DMD: variants seen among roughly 807,000 people sequenced by gnomAD.
The protein encoded by DMD is mutant dystrophin.
Under a neutral mutation model 330.1 loss-of-function variants are expected in DMD, and 63 were observed. That is an observed-to-expected ratio of 0.19 (90% confidence interval 0.16 to 0.24). The LOEUF is 0.24. DMD is among the 10% of genes least tolerant of loss of function. The pLI, the probability that DMD is intolerant of heterozygous loss-of-function variation, is 1.00. For missense variants in DMD, 3,344 were observed against 2,684.1 expected (o/e 1.25, Z -5.43); for synonymous variants, 1,223 against 959.8 (o/e 1.27, Z -5.07).
intron 51 of DMD, among the ~76,000 whole-genome samples, chrX:31,772,440 A>G (rs773122636): frequency 2.1e-4 from 23 of 112,061 alleles, no homozygotes; most frequent in Non-Finnish European, 3.9e-4. Flanking sequence ...GGAGTATTAT[A>G]TAACTCAATA....
intron 7 of DMD, chrX:32,755,069 A>C (rs1022596057): frequency 9.0e-6 from 1 of 110,534 alleles, no homozygotes; most frequent in Non-Finnish European, 1.9e-5. Flanking sequence ...GTAAAACACT[A>C]TTTCCCACAT....
chrX:32,762,742 A>T (rs957749937), intron 7 of DMD, among the ~76,000 whole-genome samples: 29 of 110,693 alleles, frequency 2.6e-4, no homozygotes, highest in African/African-American at 8.5e-4. Flanking sequence ...CAAGCAGGGG[A>T]CAGATCACAC....
intron 41 of DMD, among the ~76,000 whole-genome samples, chrX:32,318,614 T>C (rs953450726): frequency 9.0e-6 from 1 of 110,906 alleles, no homozygotes; most frequent in Non-Finnish European, 1.9e-5. Flanking sequence ...ATCTAAAAAA[T>C]TGCTTATGTG....
At chrX:31,696,391 A>T (rs1256518975) in intron 52 of DMD, among the ~76,000 whole-genome samples, 2 of 112,360 alleles carry the variant, frequency 1.8e-5, no homozygotes, top group African/African-American at 6.4e-5. Flanking sequence ...AGACAAGTAG[A>T]TATGACTGTT....
chrX:33,151,124 CATG>C (rs778970736), intron 1 of DMD, among the ~76,000 whole-genome samples: 1 of 112,476 alleles, frequency 8.9e-6, no homozygotes, highest in African/African-American at 3.2e-5. Flanking sequence ...AAGCCCTGTT[CATG>C]TATTTTTGAA....
chrX:31,254,886 T>TA (rs58840411), intron 63 of DMD, among the ~76,000 whole-genome samples: 1 of 108,089 alleles, frequency 9.3e-6, no homozygotes, highest in Non-Finnish European at 1.9e-5. Context: ...ACAAAAAATT[T>TA]AAAAAAAGAT....
chrX:32,275,100 CTTAGA>C (rs2097380733), intron 43 of DMD, among the ~76,000 whole-genome samples: 1 of 111,736 alleles, frequency 8.9e-6, no homozygotes, highest in African/African-American at 3.3e-5. Flanking sequence ...TAGGGATTAT[CTTAGA>C]TTATACAGCC....
chrX:31,971,154 A>G (rs2095395684), intron 44 of DMD, among the ~76,000 whole-genome samples: 1 of 112,169 alleles, frequency 8.9e-6, no homozygotes, highest in Non-Finnish European at 1.9e-5. Flanking sequence ...CTGCTGGTCC[A>G]GGAATACCTC....
At chrX:33,314,440 T>C (rs1224467983) in intron 1 of DMD, among the ~76,000 whole-genome samples, 1 of 108,169 alleles carries the variant, frequency 9.2e-6, no homozygotes, top group Non-Finnish European at 1.9e-5. Context: ...GTATTTTTAG[T>C]AGAGATGGGC....
intron 4 of DMD, among the ~76,000 whole-genome samples, chrX:32,831,048 A>T (rs776455639): frequency 9.0e-6 from 1 of 111,123 alleles, no homozygotes; most frequent in East Asian, 2.8e-4. Flanking sequence ...CTTACAATAC[A>T]TAATTTTGTA....
rs190587476 is a variant in DMD at position 32,630,367 on chromosome X, T to C, written c.1331+13765A>G. Among the ~76,000 whole-genome samples the C allele has an allele frequency of 3.1e-3, 339 of 110,937 alleles. 4 individuals are homozygous for C. The highest frequency in any genetic ancestry group is 0.011 in the African/African-American group (327 of 30,475). ...TACCGCTTTTAAGATCTTTTCTTTA[T>C]CCTTGACCTTTGGAAGTTTGATTTT... On this transcript the variant is annotated intron_variant, in intron 11 of 78. Transcript: ENST00000357033.
intron 21 of DMD, among the ~76,000 whole-genome samples, chrX:32,477,089 C>A (rs73619098): frequency 0.028 from 3,088 of 110,873 alleles, 130 homozygotes; most frequent in African/African-American, 0.095. Flanking sequence ...ACTTTTTTCT[C>A]TAAAGAAAGT....
Position 32,894,429 on chromosome X carries a change from G to A in DMD, c.94-44609C>T, listed in dbSNP as rs756240613. Among the ~76,000 whole-genome samples, 15 of 112,835 alleles carry A rather than the reference G, an allele frequency of 1.3e-4. No individual in the cohort carries two copies. The East Asian group carries it at 4.0e-3, about 30-fold the overall frequency. On this transcript the variant is annotated intron_variant, in intron 2 of 78. Transcript: ENST00000357033. ...GTGGCAGACTGGACAAGATAGCCTC[G>A]CAGCACAGTGGTAGTGATGGCGGCG...
intron 7 of DMD, among the ~76,000 whole-genome samples, chrX:32,705,010 A>G (rs1257906444): frequency 8.9e-6 from 1 of 112,330 alleles, no homozygotes; most frequent in Non-Finnish European, 1.9e-5. Flanking sequence ...AGACCATATC[A>G]TGGCAATGGA....
At chrX:32,084,312 G>A (rs776585113) in intron 44 of DMD, among the ~76,000 whole-genome samples, 7 of 111,147 alleles carry the variant, frequency 6.3e-5, no homozygotes, top group Middle Eastern at 4.6e-3. Context: ...AGTGAGGGAT[G>A]TGAAAACCAA....
At chrX:31,139,659 G>T (rs988315794) in intron 76 of DMD, among the ~76,000 whole-genome samples, 2 of 104,069 alleles carry the variant, frequency 1.9e-5, no homozygotes, top group Non-Finnish European at 3.9e-5. Context: ...AAGCTATGCG[G>T]ATGCAAAGGC....
At chrX:33,115,500 T>C (rs2095374711) in intron 1 of DMD, among the ~76,000 whole-genome samples, 1 of 110,153 alleles carries the variant, frequency 9.1e-6, no homozygotes, top group South Asian at 3.9e-4. Flanking sequence ...TATATGGTTG[T>C]AAAAGACAAC....
chrX:32,249,308 A>T (rs2097254103), intron 43 of DMD, among the ~76,000 whole-genome samples: 1 of 111,907 alleles, frequency 8.9e-6, no homozygotes, highest in Admixed American at 9.6e-5. Flanking sequence ...TAGTTCCTTA[A>T]ATCTAAATCT....
At chrX:32,864,742 T>C (rs997653943) in intron 2 of DMD, among the ~76,000 whole-genome samples, 4 of 112,190 alleles carry the variant, frequency 3.6e-5, no homozygotes, top group Non-Finnish European at 7.5e-5. Flanking sequence ...CTGCAAATTG[T>C]TCGAATGTAT....
Sources: gnomAD v4.1 joint callset for allele counts (sites outside exome capture counted in the v4.1 genomes callset) on GRCh38, gnomAD v4.1.1 for gene constraint, MANE v1.5 for transcripts, NCBI Gene and HGNC (gene_info 2026-07-23, HGNC 2026-07-21) for gene names.